HERC1: variants seen among roughly 807,000 people sequenced by gnomAD.
The protein encoded by HERC1 is probable E3 ubiquitin-protein ligase HERC1.
Under a neutral mutation model 554.3 loss-of-function variants are expected in HERC1, and 160 were observed. That is an observed-to-expected ratio of 0.29 (90% CI 0.25 to 0.33). The LOEUF (loss-of-function observed/expected upper bound fraction) is 0.33. Ranked by LOEUF, HERC1 falls within the 10% of genes least tolerant of loss-of-function variation. The probability of loss-of-function intolerance (pLI) is 1.00; values close to 1 mark genes in which losing one functional copy is unlikely to be tolerated. For missense variants in HERC1, 4,919 were observed against 5,918.5 expected (o/e 0.83, Z 5.54); for synonymous variants, 2,175 against 2,131.7 (o/e 1.02, Z -0.56).
chr15:63,666,119 G>A lies in HERC1; in HGVS notation c.8355C>T (p.Ile2785=), dbSNP rs746534415. The A allele has an allele frequency of 1.2e-6, 2 of 1,613,676 alleles. No homozygotes were observed. The highest frequency in any genetic ancestry group is 1.7e-6 in the Non-Finnish European group (2 of 1,179,778). Residue 2785 remains isoleucine, a synonymous_variant, in exon 42 of 78, where the codon ATC becomes ATT. Coordinates refer to ENST00000443617, the MANE Select transcript of HERC1 (RefSeq NM_003922.4). ...CTATCATCCACATGGCAAGGACAGT[G>A]ATATTCTGGGCATCAGCCTCTCCCC... is the stretch of plus-strand genomic sequence containing the variant. ...GARGEADAQN[I]TVLAMWMIEH... is the part of the protein sequence containing the mutation.
intron 12 of HERC1, among the ~76,000 whole-genome samples, chr15:63,744,668 G>A (rs1159195919): frequency 3.3e-5 from 5 of 152,106 alleles, no homozygotes. Flanking sequence ...AAGCACCACT[G>A]TTCCCTTAAG....
chr15:63,804,955 TCAC>T (rs2077094894), intron 1 of HERC1, among the ~76,000 whole-genome samples: 1 of 152,136 alleles, frequency 6.6e-6, no homozygotes, highest in Admixed American at 6.5e-5. Flanking sequence ...GGTGAGGATG[TCAC>T]CACCAGTGTG....
chr15:63,769,563 A>C (rs2075886472), intron 2 of HERC1, among the ~76,000 whole-genome samples: 1 of 152,018 alleles, frequency 6.6e-6, no homozygotes, highest in Non-Finnish European at 1.5e-5. Context: ...AAATTAAAAT[A>C]AATTTTGGGG....
chr15:63,631,783 C>T (rs2152805205), intron 68 of HERC1, among the ~76,000 whole-genome samples: 1 of 152,266 alleles, frequency 6.6e-6, no homozygotes, highest in African/African-American at 2.4e-5. Flanking sequence ...TTAGGTGATC[C>T]ACCCGCCTCG....
chr15:63,733,546 A>G (rs752966585), intron 13 of HERC1, among the ~76,000 whole-genome samples: 1 of 152,170 alleles, frequency 6.6e-6, no homozygotes, highest in Non-Finnish European at 1.5e-5. Flanking sequence ...AACTAATGCA[A>G]AATACTCATT....
At chr15:63,650,416 C>A (rs982530648) in intron 53 of HERC1, among the ~76,000 whole-genome samples, 1 of 151,370 alleles carries the variant, frequency 6.6e-6, no homozygotes, top group African/African-American at 2.4e-5. Context: ...TTTTCTGTAA[C>A]CTTTTTTTTT....
intron 1 of HERC1, among the ~76,000 whole-genome samples, chr15:63,795,892 A>G (rs926105021): frequency 1.3e-5 from 2 of 152,248 alleles, no homozygotes; most frequent in Admixed American, 6.5e-5. Context: ...AGGAAGCAGG[A>G]AGTTAACTTG....
chr15:63,701,368 A>G (rs2072713835), intron 25 of HERC1, among the ~76,000 whole-genome samples: 1 of 152,246 alleles, frequency 6.6e-6, no homozygotes, highest in Non-Finnish European at 1.5e-5. Context: ...AACTGTCTTC[A>G]TATAAACCAA....
intron 39 of HERC1, among the ~76,000 whole-genome samples, chr15:63,671,060 G>A (rs541865114): frequency 1.1e-4 from 16 of 152,014 alleles, no homozygotes; most frequent in Middle Eastern, 6.8e-3. Flanking sequence ...AAAGTTAGCC[G>A]GGAGTGGTAG....
chr15:63,615,894 G>A lies in HERC1; in HGVS notation c.13968C>T (p.Gly4656=), dbSNP rs376171992. ...HEMIPLDSFV[G]QSADGKMVPI... ...GAACCATTTTGCCATCAGCACTCTG[G>A]CCAACAAAAGAATCAAGAGGAATCA... The change falls in exon 76 of 78, where the codon GGC becomes GGT. Residue 4656 remains glycine, a synonymous_variant. Coordinates refer to ENST00000443617, the MANE Select transcript of HERC1 (RefSeq NM_003922.4). 94 of 1,596,222 alleles carry A rather than the reference G, an allele frequency of 5.9e-5. No homozygotes were observed. In the African/African-American group the frequency reaches 1.1e-3, roughly 19 times the overall value.
chr15:63,800,736 T>A (rs564897611), intron 1 of HERC1, among the ~76,000 whole-genome samples: 6 of 152,290 alleles, frequency 3.9e-5, no homozygotes, highest in African/African-American at 1.2e-4. Context: ...ACATACTTGG[T>A]GTTCGTAATT....
chr15:63,730,297 T>A (rs8029020), intron 14 of HERC1, among the ~76,000 whole-genome samples: 6,278 of 149,060 alleles, frequency 0.042, 414 homozygotes, highest in African/African-American at 0.14. Flanking sequence ...TCTAAAAAAA[T>A]TTTTTTTTTT....
At chr15:63,739,919 T>A (rs2074724849) in intron 12 of HERC1, among the ~76,000 whole-genome samples, 2 of 148,190 alleles carry the variant, frequency 1.3e-5, no homozygotes, top group South Asian at 2.1e-4. Flanking sequence ...TATTTTATTT[T>A]TTTTTTTTTC....
chr15:63,699,367 A>C (rs1288807125), intron 25 of HERC1, among the ~76,000 whole-genome samples: 4 of 152,238 alleles, frequency 2.6e-5, no homozygotes, highest in Non-Finnish European at 5.9e-5. Flanking sequence ...TAGGCACTTA[A>C]GACACTGCTA....
At chr15:63,743,305 A>G (rs1285471641) in intron 12 of HERC1, among the ~76,000 whole-genome samples, 1 of 124,708 alleles carries the variant, frequency 8.0e-6, no homozygotes, top group Non-Finnish European at 1.6e-5. Flanking sequence ...CTCTGTCACC[A>G]GGCTGGAGTG....
intron 64 of HERC1, 131 bp from the exon 65 acceptor site, chr15:63,636,273 G>GTTTT (rs377344540): frequency 4.0e-4 from 208 of 523,652 alleles, no homozygotes; most frequent in Middle Eastern, 5.5e-4. Context: ...AATTTCATTA[G>GTTTT]TTTTTTTTTT....
rs1297647197 is a variant in HERC1, at chr15:63,674,430, T to C, written c.7758A>G (p.Leu2586=). The C allele has an allele frequency of 1.9e-6, 3 of 1,613,794 alleles. No homozygotes were observed. In the South Asian group the frequency reaches 3.3e-5, roughly 18 times the overall value. The change falls in exon 38 of 78, where the codon TTA becomes TTG. Residue 2586 remains leucine, a synonymous_variant. Coordinates refer to ENST00000443617, the MANE Select transcript of HERC1 (RefSeq NM_003922.4). The part of the protein sequence containing the change: ...MRSPIKRALG[L]ADLERAQAMI... ...TGGCTTGCGCTCGTTCCAGATCAGC[T>C]AATCCCAATGCTCTCTTTATGGGTG...
intron 76 of HERC1, among the ~76,000 whole-genome samples, chr15:63,615,545 G>A (rs1016994852): frequency 6.6e-6 from 1 of 152,226 alleles, no homozygotes; most frequent in Non-Finnish European, 1.5e-5. Flanking sequence ...AGGAGGCAGA[G>A]GCTGCAGTGA....
chr15:63,610,151 C>T (rs2067524662), intron 77 of HERC1, among the ~76,000 whole-genome samples: 2 of 151,902 alleles, frequency 1.3e-5, no homozygotes, highest in South Asian at 4.2e-4. Context: ...AAAAAAGAAC[C>T]TGTCTTCTCT....
Sources: allele counts gnomAD v4.1 joint callset (sites outside exome capture counted in the v4.1 genomes callset), GRCh38; gene constraint gnomAD v4.1.1; transcripts MANE v1.5; gene names NCBI Gene and HGNC (gene_info 2026-07-23, HGNC 2026-07-21).